The following CD247 variants were observed in gnomAD, a reference collection of about 807,000 sequenced individuals.
CD247 encodes CD247 molecule.
CD247 carries 13 observed loss-of-function variants against 30.0 expected under a neutral mutation model. The ratio of observed to expected loss-of-function variants is 0.43; its 90% CI spans 0.28 to 0.69. CD247 has a LOEUF of 0.69. CD247 is among the 30% of genes least tolerant of loss of function. The pLI, the probability that CD247 is intolerant of heterozygous loss-of-function variation, is 0.16. For missense variants in CD247, 193 were observed against 212.6 expected (o/e 0.91, Z 0.57); for synonymous variants, 72 against 80.0 (o/e 0.90, Z 0.53).
At chr1:167,438,898 C>T (rs574805423) in intron 3 of CD247, among the ~76,000 whole-genome samples, 1 of 152,264 alleles carries the variant, frequency 6.6e-6, no homozygotes, top group South Asian at 2.1e-4. Flanking sequence ...ATCAGTCCAA[C>T]GGGATAAGGA....
intron 1 of CD247, among the ~76,000 whole-genome samples, chr1:167,448,791 G>A (rs1175036130): frequency 5.9e-5 from 9 of 152,164 alleles, no homozygotes. Context: ...AACCCAGGAG[G>A]TGGAGGTTGC....
intron 1 of CD247, among the ~76,000 whole-genome samples, chr1:167,480,918 T>C (rs1397814543): frequency 6.6e-6 from 1 of 152,238 alleles, no homozygotes; most frequent in African/African-American, 2.4e-5. Flanking sequence ...ACAACAAGGC[T>C]GACATATAGC....
intron 1 of CD247, among the ~76,000 whole-genome samples, chr1:167,450,911 CAAA>C (rs35555237): frequency 2.6e-4 from 30 of 116,458 alleles, no homozygotes; most frequent in Non-Finnish European, 2.5e-4. Flanking sequence ...GCATCTGTCT[CAAA>C]AAAAAAAAAA....
intron 1 of CD247, among the ~76,000 whole-genome samples, chr1:167,507,835 T>C (rs1240628702): frequency 1.4e-5 from 2 of 147,540 alleles, no homozygotes; most frequent in Non-Finnish European, 3.0e-5. Flanking sequence ...GACCCTATCT[T>C]AAAAAAAAAA....
intron 4 of CD247, among the ~76,000 whole-genome samples, chr1:167,438,359 C>T (rs953468105): frequency 2.0e-5 from 3 of 152,132 alleles, no homozygotes; most frequent in Non-Finnish European, 4.4e-5. Flanking sequence ...GTGCCACGTC[C>T]GGGGGTGAGG....
chr1:167,450,992 A>T (rs1287105059), intron 1 of CD247, among the ~76,000 whole-genome samples: 2 of 151,736 alleles, frequency 1.3e-5, no homozygotes, highest in African/African-American at 4.8e-5. Context: ...TGACAAAGAG[A>T]TGTCTCCTGT....
At chr1:167,437,846 C>T (rs1036486433) in intron 4 of CD247, among the ~76,000 whole-genome samples, 1 of 152,092 alleles carries the variant, frequency 6.6e-6, no homozygotes. Flanking sequence ...ATTTTAATAT[C>T]TCTAAGAGTA....
intron 1 of CD247, among the ~76,000 whole-genome samples, chr1:167,487,783 C>T (rs1654277305): frequency 6.6e-6 from 1 of 152,230 alleles, no homozygotes; most frequent in Admixed American, 6.5e-5. Flanking sequence ...GGCTGGAGTG[C>T]AGTGGCACAC....
At chr1:167,454,180 A>G (rs1394601233) in intron 1 of CD247, among the ~76,000 whole-genome samples, 2 of 152,226 alleles carry the variant, frequency 1.3e-5, no homozygotes, top group Non-Finnish European at 2.9e-5. Context: ...AAATGAAAAT[A>G]GTAATGTTAT....
At chr1:167,510,431 A>G (rs1655338924) in intron 1 of CD247, among the ~76,000 whole-genome samples, 1 of 151,994 alleles carries the variant, frequency 6.6e-6, no homozygotes, top group Non-Finnish European at 1.5e-5. Flanking sequence ...CAACACCCAC[A>G]CTGACCTGCA....
intron 6 of CD247, 106 bp downstream of exon 6, chr1:167,433,914 G>C: frequency 9.7e-7 from 1 of 1,033,148 alleles, no homozygotes; most frequent in Non-Finnish European, 1.5e-6. Flanking sequence ...CACCACATGG[G>C]CATTTGCAGC....
intron 1 of CD247, among the ~76,000 whole-genome samples, chr1:167,480,227 C>G (rs1316205124): frequency 6.6e-6 from 1 of 152,122 alleles, no homozygotes; most frequent in Non-Finnish European, 1.5e-5. Context: ...TTGAGCATTT[C>G]AGTGTTTGGT....
intron 1 of CD247, among the ~76,000 whole-genome samples, chr1:167,515,319 G>C (rs1372648860): frequency 6.6e-6 from 1 of 152,180 alleles, no homozygotes; most frequent in Non-Finnish European, 1.5e-5. Context: ...TCAGAATCTA[G>C]GTGGCCACCC....
chr1:167,435,402 GT>G lies in CD247; in HGVS notation c.332del (p.Tyr111SerfsTer18), dbSNP rs1391998382. 6.2e-7 allele frequency: 1 copy of G among 1,611,342 alleles called. No individual in the cohort carries two copies. The highest frequency in any genetic ancestry group is 8.5e-7 in the Non-Finnish European group (1 of 1,177,614). On this transcript the variant is annotated frameshift_variant, in exon 5 of 8. Coordinates refer to ENST00000362089, the MANE Select transcript of CD247 (RefSeq NM_198053.3). LOFTEE classifies it high-confidence loss of function. ...QRRKNPQEGLYNELQKDKMAE... is the reference protein window; with the variant it reads ...QRRKNPQEGLXNELQKDKMAE... ...ATGTGAGGTCTCCTCTACTCACATT[GT>G]ACAGGCCTTCCTGAGGGTTCTTCCT...
At chr1:167,486,663 G>A (rs1193264647) in intron 1 of CD247, among the ~76,000 whole-genome samples, 2 of 152,194 alleles carry the variant, frequency 1.3e-5, no homozygotes, top group Admixed American at 1.3e-4. Flanking sequence ...CTGGCTTATG[G>A]GGCTTGCTGC....
At chr1:167,455,274 G>A (rs2102017667) in intron 1 of CD247, among the ~76,000 whole-genome samples, 1 of 152,354 alleles carries the variant, frequency 6.6e-6, no homozygotes, top group African/African-American at 2.4e-5. Flanking sequence ...CTCCGCCCTG[G>A]CCTCCCCGCG....
intron 1 of CD247, among the ~76,000 whole-genome samples, chr1:167,506,892 A>AT (rs10587631): frequency 0.24 from 23,216 of 97,930 alleles, 3,435 homozygotes; most frequent in Admixed American, 0.34. Flanking sequence ...GTTCCCTCTG[A>AT]TTTTTTTTTT....
At chr1:167,481,286 C>T (rs1471232319) in intron 1 of CD247, among the ~76,000 whole-genome samples, 1 of 152,050 alleles carries the variant, frequency 6.6e-6, no homozygotes, top group African/African-American at 2.4e-5. Flanking sequence ...GACTCCCTCT[C>T]AAAAACAAAC....
chr1:167,461,642 G>C (rs1653011906), intron 1 of CD247, among the ~76,000 whole-genome samples: 1 of 152,176 alleles, frequency 6.6e-6, no homozygotes, highest in Admixed American at 6.5e-5. Context: ...AAGATCAGGA[G>C]TTCGAGACCA....
Sources: gnomAD v4.1 joint callset for allele counts (sites outside exome capture counted in the v4.1 genomes callset) on GRCh38, gnomAD v4.1.1 for gene constraint, MANE v1.5 for transcripts, NCBI Gene and HGNC (gene_info 2026-07-23, HGNC 2026-07-21) for gene names.